Variants in GRIK4 observed in about 807,000 individuals in gnomAD.
GRIK4 encodes glutamate receptor ionotropic, kainate 4.
GRIK4 carries 40 observed loss-of-function variants against 104.9 expected under a neutral mutation model. The observed-to-expected ratio is 0.38, with a 90% CI of 0.30 to 0.50. GRIK4 has a LOEUF of 0.50. Ranked by LOEUF, GRIK4 falls within the 20% of genes least tolerant of loss-of-function variation. The pLI is 0.93. For missense variants in GRIK4, 1,047 were observed against 1,308.1 expected, an observed-to-expected ratio of 0.80 and a Z score of 3.08; for synonymous variants, 485 against 524.9, an observed-to-expected ratio of 0.92 and a Z score of 1.04.
intron 7 of GRIK4, among the ~76,000 whole-genome samples, chr11:120,832,406 A>G (rs1225523028): frequency 6.6e-6 from 1 of 152,198 alleles, no homozygotes; most frequent in Non-Finnish European, 1.5e-5. Context: ...CCGTAGTTTA[A>G]CAACAGGACC....
At chr11:120,924,223 A>C (rs1329700386) in intron 13 of GRIK4, among the ~76,000 whole-genome samples, 1 of 152,172 alleles carries the variant, frequency 6.6e-6, no homozygotes, top group Non-Finnish European at 1.5e-5. Flanking sequence ...GAAGCCACCC[A>C]GATGTGTAAA....
At chr11:120,733,404 C>A (rs1252244760) in intron 3 of GRIK4, among the ~76,000 whole-genome samples, 1 of 151,168 alleles carries the variant, frequency 6.6e-6, no homozygotes, top group Non-Finnish European at 1.5e-5. Flanking sequence ...GTCCTTCTTG[C>A]CTTCCTTCCT....
rs545091556 is a variant in GRIK4, at chr11:120,524,225, G to A, written c.-159+12338G>A. Among the ~76,000 whole-genome samples the A allele has an allele frequency of 3.2e-4, 49 of 152,214 alleles. No homozygotes were observed. The highest frequency in any genetic ancestry group is 1.1e-3 in the African/African-American group (47 of 41,540). ...GCGGCGTGAGCCACCGCGTCTGGCCGTTTCTGCATTCTTTCCCCAACAACC... is the reference window on the plus strand; with the variant it reads ...GCGGCGTGAGCCACCGCGTCTGGCCATTTCTGCATTCTTTCCCCAACAACC... On this transcript the variant is annotated intron_variant, in intron 1 of 20. Transcript: ENST00000527524. This position sits in a 1 kb window ranked among gnomAD's most constrained non-coding sequence, Gnocchi z 4.5.
At chr11:120,586,219 T>C (rs1948661153) in intron 1 of GRIK4, among the ~76,000 whole-genome samples, 1 of 151,842 alleles carries the variant, frequency 6.6e-6, no homozygotes, top group Non-Finnish European at 1.5e-5. Context: ...TGTGAGTGGG[T>C]CTTGAAGGAT....
Position 120,553,007 on chromosome 11 carries a change from GAAA to G in GRIK4, c.-159+41134_-159+41136del, listed in dbSNP as rs112138794. On this transcript the variant is annotated intron_variant, in intron 1 of 20. Transcript: ENST00000527524. ...AGAGTGAGACTCCGTCTCAAAAAAA[GAAA>G]AAAAAAAAAAAAAGAAGGGAGGAAG... Among the ~76,000 whole-genome samples the G allele has an allele frequency of 2.4e-4, 23 of 96,764 alleles. No individual in the cohort carries two copies. The South Asian group carries it at 4.4e-3, about 18-fold the overall frequency. The allele number at this position is 96,764 out of a possible 152,430, so 63.5% of individuals were successfully genotyped here.
At chr11:120,650,805 A>G (rs1949607770) in intron 1 of GRIK4, among the ~76,000 whole-genome samples, 1 of 152,234 alleles carries the variant, frequency 6.6e-6, no homozygotes, top group Non-Finnish European at 1.5e-5. Flanking sequence ...GGTCTTGGGT[A>G]TGGGAACAAC....
chr11:120,984,638 C>T (rs1423672549), intron 20 of GRIK4, among the ~76,000 whole-genome samples: 1 of 151,782 alleles, frequency 6.6e-6, no homozygotes, highest in Non-Finnish European at 1.5e-5. Context: ...TGTGATGGCA[C>T]GTGCCTGTAA....
rs146108849 is a variant in GRIK4 at position 120,966,337 on chromosome 11, ATGT to A, written c.2267-857_2267-855del. 2.8e-3 allele frequency among the ~76,000 whole-genome samples: 432 copies of A among 152,172 alleles called. 3 individuals are homozygous for A. The highest frequency in any genetic ancestry group is 9.4e-3 in the African/African-American group (392 of 41,538). ...TCTGGATAAACAGTTGTCAGGTGTAATGTAGTGAGAGTTACAAGTGCCTAAGAA... is the reference window on the plus strand; with the variant it reads ...TCTGGATAAACAGTTGTCAGGTGTAAAGTGAGAGTTACAAGTGCCTAAGAA... On this transcript the variant is annotated intron_variant, in intron 18 of 20. Coordinates refer to ENST00000527524, the MANE Select transcript of GRIK4 (RefSeq NM_014619.5).
chr11:120,625,256 A>T (rs1949243481), intron 1 of GRIK4, among the ~76,000 whole-genome samples: 1 of 152,210 alleles, frequency 6.6e-6, no homozygotes. Flanking sequence ...CCTGGGCGAC[A>T]GAGTGACTTA....
At chr11:120,550,818 G>T (rs1363659880) in intron 1 of GRIK4, among the ~76,000 whole-genome samples, 1 of 152,160 alleles carries the variant, frequency 6.6e-6, no homozygotes, top group Non-Finnish European at 1.5e-5. Flanking sequence ...GAGTGAGTGG[G>T]AGGAGAGGAA....
intron 1 of GRIK4, among the ~76,000 whole-genome samples, chr11:120,602,803 G>A (rs1258525591): frequency 6.6e-6 from 1 of 152,088 alleles, no homozygotes; most frequent in Non-Finnish European, 1.5e-5. Flanking sequence ...CCTGGGCTCA[G>A]GCAATCCTCC....
intron 13 of GRIK4, among the ~76,000 whole-genome samples, chr11:120,928,688 A>G (rs1435720400): frequency 6.6e-6 from 1 of 152,144 alleles, no homozygotes; most frequent in East Asian, 1.9e-4. Context: ...TCTGCCCTCT[A>G]TAGGCCAATA....
chr11:120,760,290 T>C (rs1385474641), intron 3 of GRIK4, among the ~76,000 whole-genome samples: 1 of 150,792 alleles, frequency 6.6e-6, no homozygotes, highest in Non-Finnish European at 1.5e-5. Context: ...GTTCTCTAGG[T>C]CCGTCCATGT....
intron 11 of GRIK4, among the ~76,000 whole-genome samples, chr11:120,892,999 C>T (rs1480963451): frequency 2.0e-5 from 3 of 152,166 alleles, no homozygotes; most frequent in South Asian, 2.1e-4. Flanking sequence ...GACAAATTAA[C>T]GTATAAAAGC....
intron 3 of GRIK4, among the ~76,000 whole-genome samples, chr11:120,788,550 G>A (rs1014213821): frequency 3.3e-5 from 5 of 152,094 alleles, no homozygotes; most frequent in African/African-American, 1.2e-4. Context: ...TCAAACATAG[G>A]GTGTCATATG....
intron 1 of GRIK4, among the ~76,000 whole-genome samples, chr11:120,546,652 G>T (rs969519084): frequency 6.6e-6 from 1 of 152,138 alleles, no homozygotes; most frequent in African/African-American, 2.4e-5. Flanking sequence ...GGAGTCTAGG[G>T]AACGTGCAGT....
chr11:120,800,188 C>A (rs1379640698), intron 3 of GRIK4, among the ~76,000 whole-genome samples: 2 of 152,038 alleles, frequency 1.3e-5, no homozygotes, highest in African/African-American at 4.8e-5. Context: ...CATTTTTTCC[C>A]ACATCAACTC....
intron 4 of GRIK4, among the ~76,000 whole-genome samples, chr11:120,810,345 C>A (rs1952804939): frequency 6.6e-6 from 1 of 152,128 alleles, no homozygotes; most frequent in South Asian, 2.1e-4. Context: ...TCTTGGGAAC[C>A]AACATCACCA....
intron 3 of GRIK4, among the ~76,000 whole-genome samples, chr11:120,753,725 A>G (rs1232784077): frequency 6.6e-6 from 1 of 152,152 alleles, no homozygotes; most frequent in Non-Finnish European, 1.5e-5. Context: ...TCAAAATTAG[A>G]GGCTTGAGAA....
Sources: gnomAD v4.1 joint callset for allele counts (sites outside exome capture counted in the v4.1 genomes callset) on GRCh38, gnomAD v4.1.1 for gene constraint, Gnocchi (gnomAD v3.1) non-coding constraint, MANE v1.5 for transcripts, NCBI Gene and HGNC (gene_info 2026-07-23, HGNC 2026-07-21) for gene names.